The following ELAVL4 variants were observed in gnomAD, a reference collection of about 807,000 sequenced individuals.
The protein encoded by ELAVL4 is ELAV-like protein 4.
ELAVL4 carries 1 observed loss-of-function variant against 35.6 expected under a neutral mutation model. That is an observed-to-expected ratio of 0.03 (90% CI 0.01 to 0.13). ELAVL4 has a LOEUF of 0.13. ELAVL4 is among the 10% of genes least tolerant of loss of function. The pLI is 1.00. For synonymous variants in ELAVL4, 156 were observed against 171.0 expected, an observed-to-expected ratio of 0.91 and a Z score of 0.69; for missense variants, 267 against 464.9, an observed-to-expected ratio of 0.57 and a Z score of 3.91.
At chr1:50,082,100 T>A (rs1474950489) in intron 1 of ELAVL4, among the ~76,000 whole-genome samples, 1 of 152,218 alleles carries the variant, frequency 6.6e-6, no homozygotes, top group Non-Finnish European at 1.5e-5. Flanking sequence ...TTGGGTTGGT[T>A]CCAAGTCTTT....
intron 1 of ELAVL4, among the ~76,000 whole-genome samples, chr1:50,052,948 G>T (rs1663463897): frequency 6.6e-6 from 1 of 152,250 alleles, no homozygotes; most frequent in Admixed American, 6.5e-5. Flanking sequence ...AACTGGCAAA[G>T]TGGCTAGTGT....
chr1:50,110,190 A>G (rs1400821985), intron 1 of ELAVL4, among the ~76,000 whole-genome samples: 1 of 152,196 alleles, frequency 6.6e-6, no homozygotes, highest in Non-Finnish European at 1.5e-5. Flanking sequence ...AGGCACACAC[A>G]CTGCCTCTTC....
intron 1 of ELAVL4, among the ~76,000 whole-genome samples, chr1:50,084,511 C>G (rs941266039): frequency 1.1e-4 from 16 of 152,108 alleles, no homozygotes; most frequent in Non-Finnish European, 2.9e-5. Context: ...CCCATTTACC[C>G]TTCACATAAT....
intron 3 of ELAVL4, among the ~76,000 whole-genome samples, chr1:50,178,638 G>T (rs1680497457): frequency 6.6e-6 from 1 of 152,180 alleles, no homozygotes; most frequent in Admixed American, 6.5e-5. Context: ...AAATAATCAA[G>T]AGTTGTTTAA....
chr1:50,083,170 C>T (rs901517210), intron 1 of ELAVL4, among the ~76,000 whole-genome samples: 1 of 152,098 alleles, frequency 6.6e-6, no homozygotes, highest in African/African-American at 2.4e-5. Flanking sequence ...GATCTTCCCA[C>T]GTAATCCTCC....
chr1:50,168,856 C>T (rs116540269), intron 2 of ELAVL4, among the ~76,000 whole-genome samples: 5 of 151,622 alleles, frequency 3.3e-5, no homozygotes, highest in Non-Finnish European at 7.4e-5. Context: ...AGAACTCCAT[C>T]CTTAATATTC....
At chr1:50,137,892 A>G (rs911412650) in intron 1 of ELAVL4, among the ~76,000 whole-genome samples, 2 of 152,188 alleles carry the variant, frequency 1.3e-5, no homozygotes, top group Non-Finnish European at 2.9e-5. Context: ...TATTAGCATC[A>G]GTCACCACTA....
intron 5 of ELAVL4, among the ~76,000 whole-genome samples, chr1:50,196,584 T>G (rs1572631155): frequency 6.6e-6 from 1 of 152,222 alleles, no homozygotes; most frequent in Non-Finnish European, 1.5e-5. Flanking sequence ...ACATGGGAAA[T>G]AGTAGGTCCT....
chr1:50,069,730 A>G (rs75544746), intron 1 of ELAVL4, among the ~76,000 whole-genome samples: 6,944 of 152,250 alleles, frequency 0.046, 484 homozygotes, highest in African/African-American at 0.15. Context: ...AAAGCATCAT[A>G]CTAAGTACTT....
chr1:50,190,179 A>C (rs1682450574), intron 3 of ELAVL4, among the ~76,000 whole-genome samples: 1 of 152,190 alleles, frequency 6.6e-6, no homozygotes. Flanking sequence ...GAATGAAGCA[A>C]ACAGGATCCT....
chr1:50,082,676 T>A (rs1192715308), intron 1 of ELAVL4, among the ~76,000 whole-genome samples: 1 of 152,224 alleles, frequency 6.6e-6, no homozygotes, highest in Non-Finnish European at 1.5e-5. Flanking sequence ...TTCTCATCTA[T>A]TGTCTCCATT....
At chr1:50,200,237 A>G (rs1298432612) in intron 6 of ELAVL4, among the ~76,000 whole-genome samples, 3 of 152,126 alleles carry the variant, frequency 2.0e-5, no homozygotes, top group Admixed American at 6.5e-5. Flanking sequence ...GAAACATTTG[A>G]CAACCGTAGG....
At chr1:50,075,282 A>G (rs1664709849) in intron 1 of ELAVL4, among the ~76,000 whole-genome samples, 1 of 152,182 alleles carries the variant, frequency 6.6e-6, no homozygotes, top group Non-Finnish European at 1.5e-5. Context: ...AAAGGTATTG[A>G]AAGGTTTTAA....
At chr1:50,151,467 CT>C (rs1674775378) in intron 2 of ELAVL4, among the ~76,000 whole-genome samples, 1 of 152,122 alleles carries the variant, frequency 6.6e-6, no homozygotes, top group African/African-American at 2.4e-5. Context: ...GTATGTTCAC[CT>C]TTTCTTTATT....
At chr1:50,085,766 G>A (rs924494952) in intron 1 of ELAVL4, among the ~76,000 whole-genome samples, 4 of 152,036 alleles carry the variant, frequency 2.6e-5, no homozygotes, top group African/African-American at 7.2e-5. Flanking sequence ...TTTAATGCAT[G>A]GCATAGTAAA....
intron 2 of ELAVL4, among the ~76,000 whole-genome samples, chr1:50,172,497 A>G (rs1445590759): frequency 6.6e-6 from 1 of 152,152 alleles, no homozygotes; most frequent in Non-Finnish European, 1.5e-5. Context: ...ATAACAATCT[A>G]CAGCTCATGG....
intron 1 of ELAVL4, among the ~76,000 whole-genome samples, chr1:50,096,148 C>G (rs1300949821): frequency 1.3e-5 from 2 of 151,618 alleles, no homozygotes; most frequent in Non-Finnish European, 2.9e-5. Context: ...TTATTGAGCA[C>G]CAACTATGAC....
intron 1 of ELAVL4, among the ~76,000 whole-genome samples, chr1:50,075,167 T>C (rs1157083898): frequency 1.3e-5 from 2 of 152,100 alleles, no homozygotes; most frequent in East Asian, 3.9e-4. Flanking sequence ...AGGGCAGCCA[T>C]GTTTAAGACG....
At chr1:50,119,042 AAGAAAGAAAG>A (rs1192013486) in intron 1 of ELAVL4, among the ~76,000 whole-genome samples, 1 of 81,470 alleles carries the variant, frequency 1.2e-5, no homozygotes, top group Non-Finnish European at 2.5e-5. Flanking sequence ...AAGAAAAAGA[AAGAAAGAAAG>A]AAAGAAAGAA....
Sources: allele counts gnomAD v4.1 joint callset (sites outside exome capture counted in the v4.1 genomes callset), GRCh38; gene constraint gnomAD v4.1.1; transcripts MANE v1.5; gene names NCBI Gene and HGNC (gene_info 2026-07-23, HGNC 2026-07-21).